The following ATP8B1 variants were observed in gnomAD, a reference collection of about 807,000 sequenced individuals.
ATP8B1 encodes ATPase phospholipid transporting 8B1.
A neutral mutation model predicts 149.9 loss-of-function variants in ATP8B1; 80 were observed. That is an observed-to-expected ratio of 0.53 (90% CI 0.45 to 0.64). The LOEUF (loss-of-function observed/expected upper bound fraction) is 0.64, where lower values mean the gene tolerates loss of function less well. Ranked by LOEUF, ATP8B1 falls within the 30% of genes least tolerant of loss-of-function variation. The probability of loss-of-function intolerance (pLI) is 0.00; values close to 1 mark genes in which losing one functional copy is unlikely to be tolerated. For missense variants in ATP8B1, 1,247 were observed against 1,552.6 expected (o/e 0.80, Z 3.31); for synonymous variants, 536 against 562.8 (o/e 0.95, Z 0.67).
chr18:57,668,382 T>C (rs1282879658), intron 19 of ATP8B1, 47 bp downstream of exon 19: 2 of 1,497,798 alleles, frequency 1.3e-6, no homozygotes, highest in Non-Finnish European at 1.9e-6. Context: ...ACGGCAGCTA[T>C]AAATATTTGT....
At chr18:57,796,824 C>T (rs2080519905) in intron 1 of ATP8B1, among the ~76,000 whole-genome samples, 1 of 152,158 alleles carries the variant, frequency 6.6e-6, no homozygotes, top group Non-Finnish European at 1.5e-5. Context: ...GTAGCTGAGA[C>T]TACAGGCGTG....
chr18:57,778,492 A>G (rs2080330181), intron 1 of ATP8B1, among the ~76,000 whole-genome samples: 1 of 151,830 alleles, frequency 6.6e-6, no homozygotes, highest in Admixed American at 6.6e-5. Flanking sequence ...GCCCTCCCAA[A>G]GTGCTGGGAT....
chr18:57,663,758 C>A (rs1449076090), intron 20 of ATP8B1, among the ~76,000 whole-genome samples: 3 of 141,572 alleles, frequency 2.1e-5, no homozygotes, highest in African/African-American at 5.2e-5. Flanking sequence ...AAGTGCTTTG[C>A]CCATTTTTTT....
chr18:57,777,672 G>A (rs1223315775), intron 1 of ATP8B1, among the ~76,000 whole-genome samples: 2 of 152,034 alleles, frequency 1.3e-5, no homozygotes, highest in Non-Finnish European at 2.9e-5. Flanking sequence ...AGGCTGAAGT[G>A]ATCCTCCCAC....
At chr18:57,755,016 T>C (rs1345426704) in intron 1 of ATP8B1, among the ~76,000 whole-genome samples, 2 of 152,218 alleles carry the variant, frequency 1.3e-5, no homozygotes, top group Non-Finnish European at 2.9e-5. Flanking sequence ...TTCAGAATGA[T>C]AAAGTGGTTT....
At chr18:57,732,519 A>C (rs2079796602) in intron 1 of ATP8B1, among the ~76,000 whole-genome samples, 1 of 151,870 alleles carries the variant, frequency 6.6e-6, no homozygotes, top group Non-Finnish European at 1.5e-5. Context: ...AGTTGTACAC[A>C]TTCACACATT....
intron 17 of ATP8B1, 131 bp downstream of exon 17, chr18:57,671,337 T>C: frequency 1.2e-6 from 1 of 813,716 alleles, no homozygotes; most frequent in East Asian, 2.7e-5. Context: ...ACTTTACTGC[T>C]CTTTCCACCC....
chr18:57,689,736 G>A (rs1327891776), intron 12 of ATP8B1, among the ~76,000 whole-genome samples: 1 of 152,126 alleles, frequency 6.6e-6, no homozygotes, highest in Non-Finnish European at 1.5e-5. Flanking sequence ...CAAAGCAGGG[G>A]GCCAGGTGTG....
intron 1 of ATP8B1, among the ~76,000 whole-genome samples, chr18:57,756,859 G>A (rs1235568157): frequency 1.3e-5 from 2 of 152,158 alleles, no homozygotes; most frequent in African/African-American, 4.8e-5. Context: ...TTGGTCATGT[G>A]GTCAACGTGT....
intron 1 of ATP8B1, among the ~76,000 whole-genome samples, chr18:57,790,558 A>T (rs1246767150): frequency 6.6e-6 from 1 of 151,978 alleles, no homozygotes; most frequent in Non-Finnish European, 1.5e-5. Context: ...GCCTTTGCAC[A>T]TGCGGTTCCC....
rs200585995 is a variant in ATP8B1, at chr18:57,682,007, A to ATT, written c.1630+2027_1630+2028dup. On this transcript the variant is annotated intron_variant, in intron 15 of 27. Transcript: ENST00000648908. ...TGTCAGGCTGGAGGGACTTTGTGTT[A>ATT]TTTTTTTTTTTTTTTGAGATGGAGT... 2.0e-3 allele frequency among the ~76,000 whole-genome samples: 283 copies of ATT among 144,142 alleles called. 10 individuals are homozygous for ATT. In the East Asian group the frequency reaches 0.046, roughly 23 times the overall value. 94.6% of individuals were successfully genotyped at this position (144,142 alleles called of 152,430 possible). A position where few individuals can be genotyped will look rare whatever the true frequency, so the allele number is the denominator to read the frequency against.
intron 16 of ATP8B1, among the ~76,000 whole-genome samples, chr18:57,672,016 C>G (rs1000963221): frequency 6.6e-6 from 1 of 152,192 alleles, no homozygotes; most frequent in Non-Finnish European, 1.5e-5. Context: ...ATCAGTTCCT[C>G]TAGAAAAGTG....
At position 57,650,349 on chromosome 18, in the gene ATP8B1, G is replaced by C. The variant is rs764690578; in HGVS notation, c.3531+18C>G. Reference sequence around the variant, plus strand: ...TTCTGTGAGGGACAGAGTTGGGAAAGGACTATATTCTTTATACCTTATCAC... The same window carrying C: ...TTCTGTGAGGGACAGAGTTGGGAAACGACTATATTCTTTATACCTTATCAC... On this transcript the variant is annotated intron_variant, in intron 27 of 27. Transcript: ENST00000648908. The C allele has an allele frequency of 1.9e-6, 3 of 1,610,988 alleles. No individual in the cohort carries two copies. The highest frequency in any genetic ancestry group is 2.2e-5 in the South Asian group (2 of 90,982).
intron 15 of ATP8B1, among the ~76,000 whole-genome samples, chr18:57,675,433 T>C (rs528462253): frequency 6.6e-6 from 1 of 152,380 alleles, no homozygotes; most frequent in Admixed American, 6.5e-5. Flanking sequence ...CCTTTTTAAA[T>C]TCTTTATAAA....
intron 2 of ATP8B1, among the ~76,000 whole-genome samples, chr18:57,710,698 G>C (rs1454076575): frequency 6.6e-6 from 1 of 152,154 alleles, no homozygotes; most frequent in Non-Finnish European, 1.5e-5. Context: ...CCAATGATGC[G>C]ATCTCAGCTC....
At chr18:57,781,260 G>A (rs1316511654) in intron 1 of ATP8B1, among the ~76,000 whole-genome samples, 1 of 152,200 alleles carries the variant, frequency 6.6e-6, no homozygotes, top group Non-Finnish European at 1.5e-5. Context: ...GATCTAGGTT[G>A]AAGTGTAATG....
intron 2 of ATP8B1, among the ~76,000 whole-genome samples, chr18:57,713,208 C>T (rs200052612): frequency 0.15 from 11,493 of 79,138 alleles, 636 homozygotes; most frequent in South Asian, 0.23. Flanking sequence ...TCCTTCCTTC[C>T]TTCCTTCCTT....
chr18:57,649,187 G>GCTATATCTATCTATCTATCTATCTAT, intron 27 of ATP8B1, among the ~76,000 whole-genome samples: 1 of 40,094 alleles, frequency 2.5e-5, no homozygotes, highest in East Asian at 7.8e-4. Context: ...ACAGTGCTTG[G>GCTATATCTATCTATCTATCTATCTAT]CTATATCTAT....
Position 57,731,644 on chromosome 18 carries a change from C to T in ATP8B1, c.164G>A (p.Arg55Gln), listed in dbSNP as rs768114205. ...GTGGTTACCTTTTCTGAATGGCTCC[C>T]GGTTCTCCTCTGCTTCCCTGTTGAC... is the stretch of plus-strand genomic sequence containing the variant. Reference protein sequence around the residue: ...NRVNREAEENREPFRKECTWQ... With the variant: ...NRVNREAEENQEPFRKECTWQ... Residue 55 changes from arginine (R) to glutamine (Q), a missense_variant, in exon 2 of 28, where the codon CGG becomes CAG. Physicochemically the swap from Arg to Gln is conservative, Grantham distance 43 (BLOSUM62 1). This residue lies in a region of ATP8B1 where 853 missense variants were observed against 1,035.7 expected (regional missense o/e 0.82). Coordinates refer to ENST00000648908, the MANE Select transcript of ATP8B1 (RefSeq NM_001374385.1). 31 of 1,613,892 alleles carry T rather than the reference C, an allele frequency of 1.9e-5. No homozygotes were observed. Among genetic ancestry groups the T allele is most frequent in the Non-Finnish European group, 2.4e-5 (28 of 1,179,994 alleles).
Sources: allele counts gnomAD v4.1 joint callset (sites outside exome capture counted in the v4.1 genomes callset), GRCh38; gene constraint gnomAD v4.1.1; regional missense constraint gnomAD v4.1.1; transcripts MANE v1.5; gene names NCBI Gene and HGNC (gene_info 2026-07-23, HGNC 2026-07-21).